SPTSSA: variants seen among roughly 807,000 people sequenced by gnomAD.
SPTSSA encodes the protein serine palmitoyltransferase small subunit A, also known as small subunit of serine palmitoyltransferase A.
Under a neutral mutation model 9.1 loss-of-function variants are expected in SPTSSA, and 8 were observed. The ratio of observed to expected loss-of-function variants is 0.88; its 90% confidence interval spans 0.51 to 1.58. The LOEUF is 1.58. Ranked by LOEUF, SPTSSA falls within the 40% of genes most tolerant of loss-of-function variation. The pLI is 0.00. For missense variants in SPTSSA, 100 were observed against 93.8 expected (o/e 1.07, Z -0.27); for synonymous variants, 42 against 37.7 (o/e 1.11, Z -0.41).
At position 34,434,536 on chromosome 14, in the gene SPTSSA, A is replaced by G. The variant is rs1883208833; in HGVS notation, c.*665T>C. The G allele has an allele frequency of 1.3e-5, 2 of 152,676 alleles. No homozygotes were observed. Among genetic ancestry groups the G allele is most frequent in the Non-Finnish European group, 2.9e-5 (2 of 68,034 alleles). 9.5% of individuals were successfully genotyped at this position (152,676 alleles called of 1,614,324 possible). A position where few individuals can be genotyped will look rare whatever the true frequency, so the allele number is the denominator to read the frequency against. On this transcript the variant is annotated 3_prime_UTR_variant, in exon 2 of 2. Coordinates refer to ENST00000298130, the MANE Select transcript of SPTSSA (RefSeq NM_138288.4). ...TTTTCTGGAAATAAGTCCACATAAG[A>G]ATTAAATATTTAAAAGGTGAAATGT...
intron 1 of SPTSSA, among the ~76,000 whole-genome samples, chr14:34,456,144 A>C (rs1441755310): frequency 6.6e-6 from 1 of 151,820 alleles, no homozygotes; most frequent in Admixed American, 6.6e-5. Context: ...AACATGGTGA[A>C]ACCCCGTCTC....
chr14:34,436,390 G>C (rs993594175), intron 1 of SPTSSA, among the ~76,000 whole-genome samples: 1 of 152,152 alleles, frequency 6.6e-6, no homozygotes, highest in Non-Finnish European at 1.5e-5. Context: ...GCTTTGCACA[G>C]TTACATAGGA....
chr14:34,456,259 T>C (rs928050635), intron 1 of SPTSSA, among the ~76,000 whole-genome samples: 2 of 151,786 alleles, frequency 1.3e-5, no homozygotes, highest in African/African-American at 4.8e-5. Flanking sequence ...GAGGCAGAGA[T>C]TGCAGTGAGC....
rs1194258394 is a variant in SPTSSA at position 34,444,776 on chromosome 14, T to C, written c.113-9472A>G. Among the ~76,000 whole-genome samples the C allele has an allele frequency of 2.1e-5, 3 of 142,460 alleles. No homozygotes were observed. In the Admixed American group the frequency reaches 2.1e-4, roughly 10 times the overall value. The allele number at this position is 142,460 out of a possible 152,430, so 93.5% of individuals were successfully genotyped here. On this transcript the variant is annotated intron_variant, in intron 1 of 1. Coordinates refer to ENST00000298130, the MANE Select transcript of SPTSSA (RefSeq NM_138288.4). ...CAAAAAAAAAAAAAATTGCTAAGAG[T>C]CGTCATTGTAACATGCAATTAAGAC...
chr14:34,452,004 C>T (rs1344209976), intron 1 of SPTSSA, among the ~76,000 whole-genome samples: 1 of 151,966 alleles, frequency 6.6e-6, no homozygotes, highest in Non-Finnish European at 1.5e-5. Context: ...AAAGAAAGTG[C>T]CTAGCGTGGT....
At chr14:34,447,488 C>T (rs920606577) in intron 1 of SPTSSA, among the ~76,000 whole-genome samples, 2 of 152,078 alleles carry the variant, frequency 1.3e-5, no homozygotes, top group Non-Finnish European at 2.9e-5. Flanking sequence ...ATGACAAGAG[C>T]TGAAGGAAAT....
intron 1 of SPTSSA, among the ~76,000 whole-genome samples, chr14:34,453,676 A>G (rs1339700503): frequency 6.6e-6 from 1 of 152,174 alleles, no homozygotes; most frequent in Non-Finnish European, 1.5e-5. Flanking sequence ...CCTATAAACC[A>G]TATTATTTTG....
chr14:34,447,340 G>A lies in SPTSSA; in HGVS notation c.113-12036C>T, dbSNP rs572473884. Among the ~76,000 whole-genome samples, 10 of 151,858 alleles carry A rather than the reference G, an allele frequency of 6.6e-5. No homozygotes were observed. In the East Asian group the frequency reaches 9.7e-4, roughly 15 times the overall value. On this transcript the variant is annotated intron_variant, in intron 1 of 1. Coordinates refer to ENST00000298130, the MANE Select transcript of SPTSSA (RefSeq NM_138288.4). ...GGTTTGGTATGGTGACCCGGGTAAG[G>A]AGCATACTCCGAACTCTTGGTATTA...
chr14:34,449,873 C>T (rs766559284), intron 1 of SPTSSA, among the ~76,000 whole-genome samples: 34 of 152,092 alleles, frequency 2.2e-4, no homozygotes, highest in Middle Eastern at 3.2e-3. Flanking sequence ...CAGAGTATAC[C>T]GGCTATAATT....
chr14:34,444,291 C>T (rs1883382283), intron 1 of SPTSSA, among the ~76,000 whole-genome samples: 1 of 152,190 alleles, frequency 6.6e-6, no homozygotes. Flanking sequence ...TTGCTAAATG[C>T]TTTAAGGTCA....
chr14:34,444,117 TAA>T (rs1380120814), intron 1 of SPTSSA, among the ~76,000 whole-genome samples: 1 of 149,670 alleles, frequency 6.7e-6, no homozygotes, highest in Non-Finnish European at 1.5e-5. Flanking sequence ...TTAATAATAA[TAA>T]GAGCCTAAAT....
chr14:34,440,599 T>G (rs979290285), intron 1 of SPTSSA, among the ~76,000 whole-genome samples: 3 of 152,058 alleles, frequency 2.0e-5, no homozygotes, highest in Admixed American at 6.6e-5. Flanking sequence ...ATCTGAAACT[T>G]GGCTGGGCGC....
At chr14:34,443,693 A>G (rs55901726) in intron 1 of SPTSSA, among the ~76,000 whole-genome samples, 72,233 of 151,676 alleles carry the variant, frequency 0.48, 19,163 homozygotes, top group African/African-American at 0.74. Flanking sequence ...CCGCCACCAC[A>G]CCCAGGTAAT....
chr14:34,459,463 A>AAC (rs1878567493), intron 1 of SPTSSA, among the ~76,000 whole-genome samples: 2 of 145,520 alleles, frequency 1.4e-5, no homozygotes, highest in African/African-American at 5.1e-5. Flanking sequence ...CGTCTCAAAA[A>AAC]AAAAAAAAGA....
chr14:34,455,110 G>A (rs1156588966), intron 1 of SPTSSA, among the ~76,000 whole-genome samples: 8 of 151,812 alleles, frequency 5.3e-5, no homozygotes, highest in Middle Eastern at 3.4e-3. Context: ...AATAGGAGCC[G>A]GGCTAGGTGG....
chr14:34,455,259 C>A (rs898296210), intron 1 of SPTSSA, among the ~76,000 whole-genome samples: 1 of 151,958 alleles, frequency 6.6e-6, no homozygotes, highest in Non-Finnish European at 1.5e-5. Flanking sequence ...TGGCGGCGGG[C>A]ACCTGTAATC....
chr14:34,452,083 CA>C (rs921281884), intron 1 of SPTSSA, among the ~76,000 whole-genome samples: 2 of 150,550 alleles, frequency 1.3e-5, no homozygotes, highest in African/African-American at 4.9e-5. Flanking sequence ...GAGGTCAGAC[CA>C]AAAAAAATAC....
chr14:34,455,030 T>G (rs1231690991), intron 1 of SPTSSA, among the ~76,000 whole-genome samples: 2 of 147,544 alleles, frequency 1.4e-5, no homozygotes, highest in African/African-American at 2.5e-5. Context: ...GAGGCTACAG[T>G]GACCCAAGAT....
chr14:34,449,801 C>A (rs1011237174), intron 1 of SPTSSA, among the ~76,000 whole-genome samples: 1 of 152,256 alleles, frequency 6.6e-6, no homozygotes, highest in Admixed American at 6.5e-5. Flanking sequence ...CCACACCCGA[C>A]CTAGGCATTG....
Sources: gnomAD v4.1 joint callset for allele counts (sites outside exome capture counted in the v4.1 genomes callset) on GRCh38, gnomAD v4.1.1 for gene constraint, MANE v1.5 for transcripts, NCBI Gene and HGNC (gene_info 2026-07-23, HGNC 2026-07-21) for gene names.